Variants in MTA3 observed in about 807,000 individuals in gnomAD.
MTA3 encodes metastasis-associated protein MTA3.
A neutral mutation model predicts 83.5 loss-of-function variants in MTA3; 34 were observed. That is an observed-to-expected ratio of 0.41 (90% CI 0.31 to 0.54). The LOEUF (loss-of-function observed/expected upper bound fraction) is 0.54, where lower values mean the gene tolerates loss of function less well. Ranked by LOEUF, MTA3 falls within the 20% of genes least tolerant of loss-of-function variation. MTA3 has a pLI of 0.33. For synonymous variants in MTA3, 303 were observed against 252.7 expected (o/e 1.20, Z -1.89); for missense variants, 761 against 726.4 (o/e 1.05, Z -0.55).
intron 2 of MTA3, among the ~76,000 whole-genome samples, chr2:42,546,578 T>A (rs1194877429): frequency 6.6e-6 from 1 of 152,190 alleles, no homozygotes; most frequent in African/African-American, 2.4e-5. Flanking sequence ...GCATTTCTAG[T>A]TGGTCACTTT....
At chr2:42,708,790 A>T (rs1309877402) in intron 13 of MTA3, 84 bp from the exon 14 acceptor site, 9 of 1,403,856 alleles carry the variant, frequency 6.4e-6, no homozygotes, top group Non-Finnish European at 8.9e-6. Flanking sequence ...TAAAAGTTGC[A>T]CTTTTCTTTT....
intron 2 of MTA3, among the ~76,000 whole-genome samples, chr2:42,544,547 TTTTTTC>T (rs1676672023): frequency 6.6e-6 from 1 of 151,024 alleles, no homozygotes. Flanking sequence ...CTTTTTTTTT[TTTTTTC>T]TTTGAGACAG....
intron 8 of MTA3, among the ~76,000 whole-genome samples, chr2:42,666,006 C>T (rs1023224540): frequency 5.9e-5 from 9 of 151,996 alleles, no homozygotes; most frequent in Non-Finnish European, 8.8e-5. Flanking sequence ...GGCCAGGTGC[C>T]GTGGCTCACG....
chr2:42,737,027 C>T (rs1310253380), intron 16 of MTA3, among the ~76,000 whole-genome samples: 2 of 152,188 alleles, frequency 1.3e-5, no homozygotes, highest in Non-Finnish European at 2.9e-5. Flanking sequence ...TTTACTCTAT[C>T]CTTTTCTCTC....
intron 2 of MTA3, among the ~76,000 whole-genome samples, chr2:42,572,370 G>T (rs1004574939): frequency 2.6e-5 from 4 of 151,904 alleles, no homozygotes; most frequent in Admixed American, 2.6e-4. Context: ...GATCCTTTGA[G>T]TCCAGGAGTT....
intron 2 of MTA3, among the ~76,000 whole-genome samples, chr2:42,533,880 C>A (rs1020339134): frequency 6.6e-6 from 1 of 151,224 alleles, no homozygotes; most frequent in Non-Finnish European, 1.5e-5. Flanking sequence ...AATGGCTATT[C>A]CATAGACAGA....
At chr2:42,556,628 C>T (rs1037726087) in intron 2 of MTA3, among the ~76,000 whole-genome samples, 6 of 152,130 alleles carry the variant, frequency 3.9e-5, no homozygotes, top group South Asian at 2.1e-4. Flanking sequence ...GGGTAAAGCT[C>T]GACCAAGATG....
At chr2:42,656,115 A>T in intron 6 of MTA3, 85 bp from the exon 7 acceptor site, 2 of 1,013,626 alleles carry the variant, frequency 2.0e-6, no homozygotes, top group Admixed American at 1.9e-5. Flanking sequence ...AAACATTTCT[A>T]ATGCTATGGT....
chr2:42,645,593 G>A (rs1688107857), intron 6 of MTA3, among the ~76,000 whole-genome samples: 1 of 151,972 alleles, frequency 6.6e-6, no homozygotes, highest in Non-Finnish European at 1.5e-5. Context: ...TGATACCATG[G>A]AGAAAGTCTT....
chr2:42,544,600 G>C (rs1359574439), intron 2 of MTA3, among the ~76,000 whole-genome samples: 1 of 150,018 alleles, frequency 6.7e-6, no homozygotes, highest in Non-Finnish European at 1.5e-5. Flanking sequence ...TGTTGGCCAG[G>C]CTGGTCTCAA....
chr2:42,525,568 T>C (rs1330404396), intron 2 of MTA3, among the ~76,000 whole-genome samples: 1 of 147,490 alleles, frequency 6.8e-6, no homozygotes, highest in African/African-American at 2.5e-5. Flanking sequence ...CTTCCTTCCT[T>C]TCCTTCCTTC....
intron 4 of MTA3, among the ~76,000 whole-genome samples, chr2:42,627,625 G>A (rs6544577): frequency 0.72 from 109,449 of 151,408 alleles, 39,706 homozygotes; most frequent in South Asian, 0.88. Flanking sequence ...GTGCAGTGGT[G>A]TCATCTTGGC....
intron 14 of MTA3, chr2:42,709,441 A>C (rs1204864617): frequency 5.1e-6 from 2 of 395,614 alleles, no homozygotes; most frequent in African/African-American, 4.3e-5. Flanking sequence ...GCCACAATGT[A>C]ACCCCTAAGG....
At chr2:42,585,299 G>T (rs904591642) in intron 3 of MTA3, among the ~76,000 whole-genome samples, 2 of 151,902 alleles carry the variant, frequency 1.3e-5, no homozygotes, top group African/African-American at 4.8e-5. Context: ...TGTTGGTCAG[G>T]GTGGTCTCGA....
chr2:42,577,269 G>C (rs1321829619), intron 2 of MTA3, among the ~76,000 whole-genome samples: 1 of 151,616 alleles, frequency 6.6e-6, no homozygotes, highest in African/African-American at 2.4e-5. Context: ...ATGCTGGAGA[G>C]GGTGTGTTTG....
intron 9 of MTA3, among the ~76,000 whole-genome samples, chr2:42,688,219 G>C (rs958292631): frequency 6.6e-6 from 1 of 152,152 alleles, no homozygotes; most frequent in Non-Finnish European, 1.5e-5. Context: ...CTACAGGCAT[G>C]TTGTGCCACC....
intron 4 of MTA3, among the ~76,000 whole-genome samples, chr2:42,639,084 G>A (rs1386176787): frequency 2.7e-5 from 4 of 146,224 alleles, no homozygotes; most frequent in Admixed American, 6.9e-5. Flanking sequence ...TTTTTGAGGC[G>A]GAGTCTTGCT....
At chr2:42,512,637 A>G (rs1170092763) in intron 2 of MTA3, among the ~76,000 whole-genome samples, 4 of 152,198 alleles carry the variant, frequency 2.6e-5, no homozygotes, top group African/African-American at 9.6e-5. Context: ...AAGAAAGAAG[A>G]AAATAAGCTT....
At chr2:42,529,925 C>T (rs1410082161) in intron 2 of MTA3, among the ~76,000 whole-genome samples, 9 of 152,162 alleles carry the variant, frequency 5.9e-5, no homozygotes, top group East Asian at 1.9e-4. Context: ...CGGTGGCTCA[C>T]GCCTGTAATC....
Sources: gnomAD v4.1 joint callset for allele counts (sites outside exome capture counted in the v4.1 genomes callset) on GRCh38, gnomAD v4.1.1 for gene constraint, MANE v1.5 for transcripts, NCBI Gene and HGNC (gene_info 2026-07-23, HGNC 2026-07-21) for gene names.